Variants in ITGBL1 observed in about 807,000 individuals in gnomAD.
ITGBL1 encodes the protein integrin subunit beta like 1, also known as integrin beta-like protein 1.
In ITGBL1, 51 loss-of-function variants were observed where a neutral mutation model predicts 68.5. The ratio of observed to expected loss-of-function variants is 0.74; its 90% CI spans 0.59 to 0.94. The LOEUF (loss-of-function observed/expected upper bound fraction) is 0.94, where lower values mean the gene tolerates loss of function less well. ITGBL1 is among the 40% of genes least tolerant of loss of function. The pLI is 0.00. For missense variants in ITGBL1, 649 were observed against 647.4 expected (o/e 1.00, Z -0.03); for synonymous variants, 209 against 227.3 (o/e 0.92, Z 0.72).
chr13:101,655,265 G>A (rs529322153), intron 7 of ITGBL1, among the ~76,000 whole-genome samples: 74 of 152,278 alleles, frequency 4.9e-4, no homozygotes, highest in African/African-American at 1.6e-3. Context: ...GCACAGAATG[G>A]ATGTTTTGTT....
At chr13:101,694,847 T>C (rs2033966932) in intron 8 of ITGBL1, among the ~76,000 whole-genome samples, 1 of 152,240 alleles carries the variant, frequency 6.6e-6, no homozygotes, top group African/African-American at 2.4e-5. Context: ...TCCTTGGCTT[T>C]AGATTCTTTT....
At chr13:101,522,004 A>G (rs2050454) in intron 2 of ITGBL1, among the ~76,000 whole-genome samples, 111,952 of 151,376 alleles carry the variant, frequency 0.74, 41,515 homozygotes, top group South Asian at 0.79. Context: ...TTATGCTCAC[A>G]GTGGGAGAGA....
At chr13:101,544,354 G>A (rs1385715363) in intron 2 of ITGBL1, among the ~76,000 whole-genome samples, 5 of 152,224 alleles carry the variant, frequency 3.3e-5, no homozygotes, top group Non-Finnish European at 2.9e-5. Flanking sequence ...AGCAGCGGCA[G>A]CTGCAGAACC....
At chr13:101,553,926 C>G (rs1244192673) in intron 2 of ITGBL1, among the ~76,000 whole-genome samples, 1 of 152,064 alleles carries the variant, frequency 6.6e-6, no homozygotes, top group Non-Finnish European at 1.5e-5. Context: ...AGGCATGCAC[C>G]ACCACACTCA....
intron 2 of ITGBL1, among the ~76,000 whole-genome samples, chr13:101,519,970 A>T (rs143783467): frequency 6.6e-6 from 1 of 152,334 alleles, no homozygotes; most frequent in Admixed American, 6.5e-5. Flanking sequence ...CCATGTGTGT[A>T]TATAGTGATT....
At chr13:101,636,356 C>A (rs1263073965) in intron 7 of ITGBL1, among the ~76,000 whole-genome samples, 1 of 152,074 alleles carries the variant, frequency 6.6e-6, no homozygotes, top group Non-Finnish European at 1.5e-5. Flanking sequence ...GGGAAAGTTA[C>A]CTTAATTTAT....
chr13:101,670,253 G>A (rs190340617), intron 7 of ITGBL1, among the ~76,000 whole-genome samples: 14 of 152,068 alleles, frequency 9.2e-5, no homozygotes, highest in Non-Finnish European at 1.5e-4. Flanking sequence ...TCATAACCTC[G>A]GGCAGACAAT....
chr13:101,710,867 T>C (rs987846412), intron 9 of ITGBL1: 14 of 152,182 alleles, frequency 9.2e-5, no homozygotes, highest in Admixed American at 7.9e-4. Context: ...AATCACTCCA[T>C]AGAAAAATTT....
chr13:101,605,442 G>A (rs1453156286), intron 7 of ITGBL1, among the ~76,000 whole-genome samples: 5 of 150,320 alleles, frequency 3.3e-5, no homozygotes, highest in Non-Finnish European at 7.4e-5. Flanking sequence ...ATGTATATGC[G>A]TATATATACA....
chr13:101,589,909 T>C (rs995888609), intron 6 of ITGBL1, among the ~76,000 whole-genome samples: 1 of 152,036 alleles, frequency 6.6e-6, no homozygotes, highest in African/African-American at 2.4e-5. Context: ...GGCTGTATTT[T>C]CCCCCTCATG....
downstream of ITGBL1, chr13:101,717,291 G>A (rs2034762037): frequency 6.6e-6 from 1 of 152,070 alleles, no homozygotes; most frequent in Non-Finnish European, 1.5e-5. Flanking sequence ...TTCTCATAAT[G>A]TAATAGATTT....
chr13:101,605,784 A>G (rs541522324), intron 7 of ITGBL1, among the ~76,000 whole-genome samples: 470 of 3,264 alleles, frequency 0.14, 4 homozygotes, highest in South Asian at 0.47. Flanking sequence ...AGGCATATGT[A>G]TGTGCGTATA....
intron 2 of ITGBL1, among the ~76,000 whole-genome samples, chr13:101,544,181 G>A (rs1025248720): frequency 2.6e-5 from 4 of 152,110 alleles, no homozygotes; most frequent in Non-Finnish European, 5.9e-5. Context: ...CATCTTTGTG[G>A]TTTTATCTAC....
chr13:101,652,028 A>T (rs554134907), intron 7 of ITGBL1, among the ~76,000 whole-genome samples: 2 of 152,104 alleles, frequency 1.3e-5, no homozygotes, highest in Admixed American at 1.3e-4. Context: ...GCATTGGTCT[A>T]TGTGTCTGTT....
intron 2 of ITGBL1, among the ~76,000 whole-genome samples, chr13:101,556,732 G>T (rs2050013562): frequency 6.6e-6 from 1 of 152,160 alleles, no homozygotes; most frequent in Non-Finnish European, 1.5e-5. Context: ...TGATGCAACT[G>T]TGAGCTGAGA....
At chr13:101,474,575 T>C (rs1287710602) in intron 2 of ITGBL1, among the ~76,000 whole-genome samples, 1 of 152,088 alleles carries the variant, frequency 6.6e-6, no homozygotes, top group South Asian at 2.1e-4. Flanking sequence ...TTGAACAAAA[T>C]TGGCAGTAGC....
intron 2 of ITGBL1, among the ~76,000 whole-genome samples, chr13:101,501,145 T>G (rs917874474): frequency 6.6e-6 from 1 of 152,202 alleles, no homozygotes; most frequent in African/African-American, 2.4e-5. Context: ...TTGGCTTAAT[T>G]GATGATTGGC....
chr13:101,519,069 T>G (rs1226493263), intron 2 of ITGBL1, among the ~76,000 whole-genome samples: 1 of 152,134 alleles, frequency 6.6e-6, no homozygotes, highest in African/African-American at 2.4e-5. Context: ...ATACTAAACT[T>G]TAAAAATAAA....
intron 6 of ITGBL1, among the ~76,000 whole-genome samples, chr13:101,583,620 A>G (rs182595042): frequency 6.6e-6 from 1 of 152,190 alleles, no homozygotes; most frequent in Admixed American, 6.5e-5. Flanking sequence ...GCATGCCCGT[A>G]TCAAAACATC....
Sources: gnomAD v4.1 joint callset for allele counts (sites outside exome capture counted in the v4.1 genomes callset) on GRCh38, gnomAD v4.1.1 for gene constraint, MANE v1.5 for transcripts, NCBI Gene and HGNC (gene_info 2026-07-23, HGNC 2026-07-21) for gene names.